The following CDH4 variants were observed in gnomAD, a reference collection of about 807,000 sequenced individuals.
CDH4 encodes cadherin-4.
CDH4 carries 33 observed loss-of-function variants against 86.0 expected under a neutral mutation model. The observed-to-expected ratio is 0.38, with a 90% CI of 0.29 to 0.51. The LOEUF is 0.51. Ranked by LOEUF, CDH4 falls within the 20% of genes least tolerant of loss-of-function variation. CDH4 has a pLI of 0.86. For synonymous variants in CDH4, 555 were observed against 549.4 expected (o/e 1.01, Z -0.14); for missense variants, 1,114 against 1,307.4 (o/e 0.85, Z 2.28).
chr20:61,940,415 G>A lies in CDH4; in HGVS notation c.*3472G>A, dbSNP rs1249336978. 1 of 150,552 alleles carries A rather than the reference G, an allele frequency of 6.6e-6. No homozygotes were observed. The highest frequency in any genetic ancestry group is 1.9e-4 in the East Asian group (1 of 5,158). The allele number at this position is 150,552 out of a possible 1,614,324, so 9.3% of individuals were successfully genotyped here. On this transcript the variant is annotated 3_prime_UTR_variant, in exon 16 of 16. Transcript: ENST00000614565. ...CCACCTTTTTTTGTAATCGTCAACA[G>A]CACAACTATTTTGTATTGTTGTTTG...
intron 2 of CDH4, among the ~76,000 whole-genome samples, chr20:61,374,476 C>T (rs1287846406): frequency 6.6e-6 from 1 of 152,190 alleles, no homozygotes; most frequent in Non-Finnish European, 1.5e-5. Context: ...TGGTGCTCCA[C>T]TCACTTTCCC....
At chr20:61,741,910 A>T (rs962717394) in intron 2 of CDH4, among the ~76,000 whole-genome samples, 2 of 152,042 alleles carry the variant, frequency 1.3e-5, no homozygotes, top group African/African-American at 4.8e-5. Context: ...CTGCTGTCCA[A>T]TTGCATTAGT....
At chr20:61,555,144 C>G (rs1337447498) in intron 2 of CDH4, among the ~76,000 whole-genome samples, 3 of 152,166 alleles carry the variant, frequency 2.0e-5, no homozygotes, top group African/African-American at 7.2e-5. Flanking sequence ...GGCGTGTATA[C>G]AGGGCACATG....
At chr20:61,927,753 G>C (rs756026588) in intron 11 of CDH4, among the ~76,000 whole-genome samples, 1 of 152,236 alleles carries the variant, frequency 6.6e-6, no homozygotes, top group Non-Finnish European at 1.5e-5. Context: ...GTGAGTCCCC[G>C]GTGCGTGGCT....
At chr20:61,281,331 TG>T (rs1304837304) in intron 2 of CDH4, among the ~76,000 whole-genome samples, 1 of 152,140 alleles carries the variant, frequency 6.6e-6, no homozygotes. Context: ...GTGGGATGAA[TG>T]CCCTTACAAA....
At position 61,407,006 on chromosome 20, in the gene CDH4, G is replaced by A. The variant is rs1023923070; in HGVS notation, c.169+152069G>A. Reference sequence around the variant, plus strand: ...TCTTGGACCACCATCTGCTCTGCCCGGACCACCATCTGCTCTGCCTGGACC... The same window carrying A: ...TCTTGGACCACCATCTGCTCTGCCCAGACCACCATCTGCTCTGCCTGGACC... On this transcript the variant is annotated intron_variant, in intron 2 of 15. Coordinates refer to ENST00000614565, the MANE Select transcript of CDH4 (RefSeq NM_001794.5). Among the ~76,000 whole-genome samples, 53 of 138,326 alleles carry A rather than the reference G, an allele frequency of 3.8e-4. No individual in the cohort carries two copies. In the East Asian group the frequency reaches 7.5e-3, roughly 20 times the overall value. 90.7% of individuals were successfully genotyped at this position (138,326 alleles called of 152,430 possible).
intron 2 of CDH4, among the ~76,000 whole-genome samples, chr20:61,546,051 C>G (rs1340849237): frequency 7.9e-3 from 9 of 1,146 alleles, no homozygotes; most frequent in African/African-American, 0.013. Flanking sequence ...GTGTGGAGGG[C>G]TGTCTGTGCA....
intron 6 of CDH4, among the ~76,000 whole-genome samples, chr20:61,857,858 G>A (rs867338473): frequency 1.3e-5 from 2 of 152,104 alleles, no homozygotes; most frequent in African/African-American, 4.8e-5. Context: ...GATCCCACCC[G>A]TTTGACCTGC....
At chr20:61,264,529 C>T (rs13040405) in intron 2 of CDH4, among the ~76,000 whole-genome samples, 5 of 140,336 alleles carry the variant, frequency 3.6e-5, no homozygotes, top group African/African-American at 1.1e-4. Context: ...TACACATACC[C>T]CAGTGGCTCC....
intron 2 of CDH4, among the ~76,000 whole-genome samples, chr20:61,620,705 C>T (rs1600813633): frequency 6.6e-6 from 1 of 152,232 alleles, no homozygotes; most frequent in Non-Finnish European, 1.5e-5. Context: ...AAACCAACAT[C>T]TTTCCCTTTA....
intron 9 of CDH4, among the ~76,000 whole-genome samples, chr20:61,920,143 TTTTGTGATTGCATGGAAGCATGGC>T: frequency 3.1e-5 from 1 of 32,634 alleles, no homozygotes. Flanking sequence ...GGAAGCGTGG[TTTTGTGATTGCATGGAAGCATGGC>T]GTCACAGTGA....
In CDH4 at chr20:61,810,966, G is replaced by A. The variant is rs553070370; in HGVS notation, c.577-33702G>A. 8.5e-5 allele frequency among the ~76,000 whole-genome samples: 13 copies of A among 152,308 alleles called. No homozygotes were observed. The East Asian group carries it at 2.5e-3, about 30-fold the overall frequency. ...TGCGTTATCCTGCACTGCAAATGAT[G>A]CTGCATTTGTAACGGGAGCTAGAAA... On this transcript the variant is annotated intron_variant, in intron 4 of 15. Transcript: ENST00000614565. This position sits in a 1 kb window ranked among gnomAD's most constrained non-coding sequence, Gnocchi z 4.3.
intron 5 of CDH4, among the ~76,000 whole-genome samples, chr20:61,845,257 T>G (rs1191523144): frequency 6.6e-6 from 1 of 152,174 alleles, no homozygotes; most frequent in African/African-American, 2.4e-5. Flanking sequence ...CCTCACACCC[T>G]CTCTAGGCTG....
chr20:61,908,055 C>T (rs543025527), intron 8 of CDH4, among the ~76,000 whole-genome samples: 1 of 152,258 alleles, frequency 6.6e-6, no homozygotes, highest in East Asian at 1.9e-4. Context: ...GGCCGGGCTG[C>T]GGGGTTTTCA....
intron 2 of CDH4, among the ~76,000 whole-genome samples, chr20:61,389,282 C>T (rs1277424129): frequency 1.3e-5 from 2 of 152,204 alleles, no homozygotes; most frequent in Non-Finnish European, 2.9e-5. Context: ...GACCATGTGG[C>T]GGCCTGTCTC....
At chr20:61,572,096 G>A (rs564846052) in intron 2 of CDH4, among the ~76,000 whole-genome samples, 2 of 152,062 alleles carry the variant, frequency 1.3e-5, no homozygotes, top group South Asian at 4.2e-4. Flanking sequence ...TTTATCCTGA[G>A]GGCTGCTGCC....
chr20:61,792,675 G>A (rs946847368), intron 4 of CDH4, among the ~76,000 whole-genome samples: 1 of 151,260 alleles, frequency 6.6e-6, no homozygotes, highest in East Asian at 1.9e-4. Context: ...TTTGAGATGG[G>A]GTCTTGCTCT....
In CDH4 at chr20:61,517,105, G is replaced by C. The variant is rs1306182266; in HGVS notation, c.170-226458G>C. ...TCCAGAAAGCTCCCTCAGGCCCCTT[G>C]TGGCCACGATCCCTTCACCAAAGGG... On this transcript the variant is annotated intron_variant, in intron 2 of 15. Transcript: ENST00000614565. The surrounding 1 kb of genome is among the most constrained non-coding windows in gnomAD (Gnocchi z 6.6). 6.6e-6 allele frequency among the ~76,000 whole-genome samples: 1 copy of C among 152,194 alleles called. No homozygotes were observed. The highest frequency in any genetic ancestry group is 1.5e-5 in the Non-Finnish European group (1 of 68,022).
At chr20:61,692,135 C>G (rs1212230100) in intron 2 of CDH4, among the ~76,000 whole-genome samples, 4 of 140,640 alleles carry the variant, frequency 2.8e-5, no homozygotes, top group Non-Finnish European at 4.8e-5. Context: ...CTGTGTGTGT[C>G]TGTATGTATG....
Sources: gnomAD v4.1 joint callset for allele counts (sites outside exome capture counted in the v4.1 genomes callset) on GRCh38, gnomAD v4.1.1 for gene constraint, Gnocchi (gnomAD v3.1) non-coding constraint, MANE v1.5 for transcripts, NCBI Gene and HGNC (gene_info 2026-07-23, HGNC 2026-07-21) for gene names.